The following ABCA4 variants were observed in gnomAD, a reference collection of about 807,000 sequenced individuals.
ABCA4 encodes the protein ATP binding cassette subfamily A member 4.
A neutral mutation model predicts 263.7 loss-of-function variants in ABCA4; 196 were observed. The observed-to-expected ratio is 0.74, with a 90% CI of 0.66 to 0.84. ABCA4 has a LOEUF of 0.84. Among genes scored for constraint, ABCA4 ranks in the 40% least tolerant of loss-of-function variants. The pLI, the probability that ABCA4 is intolerant of heterozygous loss-of-function variation, is 0.00. For synonymous variants in ABCA4, 1,133 were observed against 1,094.2 expected (o/e 1.04, Z -0.70); for missense variants, 2,792 against 2,855.1 (o/e 0.98, Z 0.50).
At chr1:94,021,130 C>A in intron 35 of ABCA4, 110 bp downstream of exon 35, 1 of 1,481,192 alleles carries the variant, frequency 6.8e-7, no homozygotes. Flanking sequence ...CCTGACTAAA[C>A]AGCATTACCA....
intron 26 of ABCA4, among the ~76,000 whole-genome samples, chr1:94,032,954 T>C (rs1387527794): frequency 1.3e-5 from 2 of 152,164 alleles, no homozygotes; most frequent in African/African-American, 4.8e-5. Context: ...CTTAAACAAA[T>C]GAAAAATCAG....
At chr1:94,029,342 A>G in intron 30 of ABCA4, 103 bp downstream of exon 30, 1 of 1,168,062 alleles carries the variant, frequency 8.6e-7, no homozygotes, top group Non-Finnish European at 1.2e-6. Flanking sequence ...CTCAACTGCC[A>G]GTTTGAAATG....
chr1:94,103,553 T>G (rs936259432), intron 4 of ABCA4, among the ~76,000 whole-genome samples: 3 of 152,116 alleles, frequency 2.0e-5, no homozygotes, highest in African/African-American at 7.2e-5. Context: ...CCAGAGATGC[T>G]GCTAAACATC....
intron 22 of ABCA4, 35 bp downstream of exon 22, chr1:94,042,726 G>GAGCCC: frequency 8.1e-6 from 13 of 1,614,052 alleles, no homozygotes; most frequent in Non-Finnish European, 1.1e-5. Context: ...GCTGCAGTGA[G>GAGCCC]AGCCCAGCCC....
chr1:94,056,937 C>T, intron 14 of ABCA4, 115 bp from the exon 15 acceptor site: 3 of 865,028 alleles, frequency 3.5e-6, no homozygotes, highest in Non-Finnish European at 5.7e-6. Flanking sequence ...TTTCTACGCA[C>T]ACTCCATGTG....
intron 1 of ABCA4, among the ~76,000 whole-genome samples, chr1:94,119,066 G>T (rs943459934): frequency 6.6e-6 from 1 of 152,188 alleles, no homozygotes; most frequent in Non-Finnish European, 1.5e-5. Context: ...ATAGGCAGGG[G>T]CTGGGAGGTC....
intron 11 of ABCA4, among the ~76,000 whole-genome samples, chr1:94,077,303 G>A (rs1243264377): frequency 6.6e-6 from 1 of 152,186 alleles, no homozygotes; most frequent in Non-Finnish European, 1.5e-5. Flanking sequence ...TGTTGAGGCT[G>A]ATGTGCTTGT....
rs2297634 is a variant in ABCA4, at chr1:94,111,412, T to C, written c.302+26A>G. ...TGAAGGGGTGTGCAACTTCCTCCCCTGCATGGTAGGGATCTCAACACTTAC... is the reference window on the plus strand; with the variant it reads ...TGAAGGGGTGTGCAACTTCCTCCCCCGCATGGTAGGGATCTCAACACTTAC... On this transcript the variant is annotated intron_variant, in intron 3 of 49. Coordinates refer to ENST00000370225, the MANE Select transcript of ABCA4 (RefSeq NM_000350.3). 807,055 of 1,611,446 alleles carry C rather than the reference T, an allele frequency of 0.5. 204,120 individuals are homozygous for C. Among genetic ancestry groups the C allele is most frequent in the East Asian group, 0.66 (29,609 of 44,822 alleles).
chr1:93,999,632 G>T (rs1440020851), intron 47 of ABCA4, among the ~76,000 whole-genome samples: 1 of 152,108 alleles, frequency 6.6e-6, no homozygotes, highest in Admixed American at 6.5e-5. Context: ...CCTATGCCCT[G>T]GTATCCTGTG....
In ABCA4 at chr1:94,014,597, G is replaced by A. The variant is rs202199507; in HGVS notation, c.5406C>T (p.Ile1802=). 64 of 1,614,042 alleles carry A rather than the reference G, an allele frequency of 4.0e-5. No individual in the cohort carries two copies. The highest frequency in any genetic ancestry group is 1.6e-4 in the East Asian group (7 of 44,890). ...AGGTAATAGCACTGCTGTTGATGCCGATGAACAGATTAGCACAAGATAAAG... is the reference window on the plus strand; with the variant it reads ...AGGTAATAGCACTGCTGTTGATGCCAATGAACAGATTAGCACAAGATAAAG... ...YVALSCANLF[I]GINSSAITFI... Residue 1802 remains isoleucine, a synonymous_variant, in exon 38 of 50, where the codon ATC becomes ATT. Transcript: ENST00000370225.
At chr1:94,047,155 C>G in intron 18 of ABCA4, 62 bp from the exon 19 acceptor site, 1 of 1,574,978 alleles carries the variant, frequency 6.3e-7, no homozygotes, top group Non-Finnish European at 8.7e-7. Context: ...CCCCAGGGCT[C>G]TGTCTCCAGG....
At chr1:94,113,160 T>G in intron 1 of ABCA4, 94 bp from the exon 2 acceptor site, 1 of 1,180,880 alleles carries the variant, frequency 8.5e-7, no homozygotes, top group South Asian at 1.3e-5. Context: ...TCAGATCCCA[T>G]GTGTGCAGTA....
chr1:94,007,509 C>T, intron 43 of ABCA4, 125 bp downstream of exon 43: 1 of 869,500 alleles, frequency 1.2e-6, no homozygotes, highest in East Asian at 2.5e-5. Context: ...TGGGAGGCCT[C>T]CTTCTCTGTA....
chr1:94,080,449 A>G, intron 8 of ABCA4, 29 bp downstream of exon 8: 1 of 1,614,018 alleles, frequency 6.2e-7, no homozygotes. Flanking sequence ...ATGAGAGGCC[A>G]ATTTATAAGC....
chr1:94,038,137 G>T (rs55746011), intron 24 of ABCA4, among the ~76,000 whole-genome samples: 17 of 150,190 alleles, frequency 1.1e-4, no homozygotes, highest in Non-Finnish European at 1.9e-4. Flanking sequence ...AAATGCAGAG[G>T]GGGGGTTGAG....
At chr1:93,999,735 C>G (rs1311199150) in intron 47 of ABCA4, among the ~76,000 whole-genome samples, 1 of 152,150 alleles carries the variant, frequency 6.6e-6, no homozygotes, top group Non-Finnish European at 1.5e-5. Flanking sequence ...TACCTTTCAG[C>G]TCCAGAAAAC....
chr1:94,010,629 C>G, intron 40 of ABCA4, 171 bp downstream of exon 40: 1 of 916,858 alleles, frequency 1.1e-6, no homozygotes, highest in Non-Finnish European at 1.7e-6. Context: ...TTGAATGTGC[C>G]TATTTTAACC....
chr1:94,037,733 A>G (rs1660383276), intron 24 of ABCA4, among the ~76,000 whole-genome samples: 1 of 152,184 alleles, frequency 6.6e-6, no homozygotes, highest in Admixed American at 6.5e-5. Flanking sequence ...TGAAAAGGGG[A>G]AAATACTGGT....
chr1:94,080,063 G>A (rs1020904832), intron 8 of ABCA4, among the ~76,000 whole-genome samples: 22 of 152,012 alleles, frequency 1.4e-4, no homozygotes, highest in African/African-American at 4.8e-4. Context: ...ATGTAATTCA[G>A]TACTACACAC....
Sources: allele counts gnomAD v4.1 joint callset (sites outside exome capture counted in the v4.1 genomes callset), GRCh38; gene constraint gnomAD v4.1.1; transcripts MANE v1.5; gene names NCBI Gene and HGNC (gene_info 2026-07-23, HGNC 2026-07-21).